The following BCL7A variants were observed in gnomAD, a reference collection of about 807,000 sequenced individuals.
BCL7A encodes BAF chromatin remodeling complex subunit BCL7A.
BCL7A carries 11 observed loss-of-function variants against 28.4 expected under a neutral mutation model. That is an observed-to-expected ratio of 0.39 (90% confidence interval 0.24 to 0.64). The LOEUF (loss-of-function observed/expected upper bound fraction) is 0.64, where lower values mean the gene tolerates loss of function less well. BCL7A is among the 30% of genes least tolerant of loss of function. BCL7A has a pLI of 0.50. For synonymous variants in BCL7A, 123 were observed against 103.3 expected, an observed-to-expected ratio of 1.19 and a Z score of -1.15; for missense variants, 222 against 274.8, an observed-to-expected ratio of 0.81 and a Z score of 1.36.
In BCL7A at chr12:122,033,858, C is replaced by T. The variant is rs767342839; in HGVS notation, c.175-1473C>T. ...TTTTCATCACCCTAAAAAAGGAACT[C>T]ATACCCATTAGCAGTCACTTCCCAT... On this transcript the variant is annotated intron_variant, in intron 2 of 5. Transcript: ENST00000261822. Among the ~76,000 whole-genome samples, 47 of 152,300 alleles carry T rather than the reference C, an allele frequency of 3.1e-4. 1 individual carries two copies. Among genetic ancestry groups the T allele is most frequent in the Admixed American group, 3.3e-4 (5 of 15,292 alleles).
intron 3 of BCL7A, among the ~76,000 whole-genome samples, chr12:122,037,107 G>GTGC (rs1439379902): frequency 6.6e-6 from 1 of 152,202 alleles, no homozygotes; most frequent in East Asian, 1.9e-4. Flanking sequence ...CCGTGGCTGT[G>GTGC]TGCTCCCTCG....
In BCL7A at chr12:122,022,112, A is replaced by G; in HGVS notation, c.21A>G (p.Arg7=). Residue 7 remains arginine, a synonymous_variant, in exon 1 of 6, where the codon CGA becomes CGG. Coordinates refer to ENST00000261822, the MANE Select transcript of BCL7A (RefSeq NM_001024808.3). MSGRSV[R]AETRSRAKDD... Reference sequence around the variant, plus strand: ...GAACCATGTCGGGCAGGTCGGTTCGAGCCGAGACGAGGAGCCGGGCCAAAG... The same window carrying G: ...GAACCATGTCGGGCAGGTCGGTTCGGGCCGAGACGAGGAGCCGGGCCAAAG... 6.3e-7 allele frequency: 1 copy of G among 1,581,182 alleles called. No individual in the cohort carries two copies. The highest frequency in any genetic ancestry group is 8.6e-7 in the Non-Finnish European group (1 of 1,162,836).
At chr12:122,057,214 C>T (rs1217982288) in intron 5 of BCL7A, among the ~76,000 whole-genome samples, 2 of 152,172 alleles carry the variant, frequency 1.3e-5, no homozygotes, top group Non-Finnish European at 2.9e-5. Flanking sequence ...GGTGAGCTCT[C>T]CAGGCAGGGG....
chr12:122,045,776 G>A (rs1267177617), intron 4 of BCL7A, among the ~76,000 whole-genome samples: 1 of 151,980 alleles, frequency 6.6e-6, no homozygotes, highest in East Asian at 1.9e-4. Context: ...AAACATGTCA[G>A]CACGTGTCTT....
intron 4 of BCL7A, among the ~76,000 whole-genome samples, chr12:122,050,795 C>T (rs1884176905): frequency 6.6e-6 from 1 of 152,236 alleles, no homozygotes; most frequent in Admixed American, 6.5e-5. Flanking sequence ...GACCCTGTCT[C>T]AGCAGAAAAT....
rs182025998 is a variant in BCL7A, at chr12:122,057,709, C to T, written c.562-1383C>T. Among the ~76,000 whole-genome samples the T allele has an allele frequency of 1.2e-3, 183 of 152,298 alleles. 1 individual carries two copies. Among genetic ancestry groups the T allele is most frequent in the African/African-American group, 4.4e-3 (181 of 41,550 alleles). ...TGGATGAGTGAGTGTTAAACCTTTT[C>T]TGGTGTCCTGGGTTTCATGGGAATT... On this transcript the variant is annotated intron_variant, in intron 5 of 5. Transcript: ENST00000261822.
intron 2 of BCL7A, among the ~76,000 whole-genome samples, chr12:122,033,135 A>G (rs1209455830): frequency 2.0e-5 from 3 of 147,472 alleles, no homozygotes; most frequent in Non-Finnish European, 3.0e-5. Flanking sequence ...ATATCATAGA[A>G]GTCACTTTTT....
At chr12:122,036,592 G>A (rs562172611) in intron 3 of BCL7A, among the ~76,000 whole-genome samples, 3 of 152,188 alleles carry the variant, frequency 2.0e-5, no homozygotes, top group East Asian at 1.9e-4. Context: ...ACACACCCAC[G>A]TAACCACCCA....
chr12:122,032,469 G>A (rs1883765542), intron 2 of BCL7A, among the ~76,000 whole-genome samples: 2 of 152,218 alleles, frequency 1.3e-5, no homozygotes, highest in South Asian at 2.1e-4. Flanking sequence ...TTCTAATCTC[G>A]TTTGGGGAAG....
At chr12:122,035,663 C>A (rs1415183495) in intron 3 of BCL7A, among the ~76,000 whole-genome samples, 1 of 152,206 alleles carries the variant, frequency 6.6e-6, no homozygotes, top group East Asian at 1.9e-4. Flanking sequence ...AGAAATTAGA[C>A]CCTCTCCTCA....
intron 5 of BCL7A, among the ~76,000 whole-genome samples, chr12:122,055,760 A>T (rs914595145): frequency 2.0e-5 from 3 of 152,160 alleles, no homozygotes; most frequent in South Asian, 4.1e-4. Flanking sequence ...GTGGGATTAC[A>T]GGTGCCTACC....
intron 1 of BCL7A, among the ~76,000 whole-genome samples, chr12:122,024,429 G>C (rs1318472206): frequency 1.3e-5 from 2 of 151,148 alleles, no homozygotes; most frequent in Non-Finnish European, 2.9e-5. Flanking sequence ...GTTGTAAGGT[G>C]GACTTTGTAG....
In BCL7A at chr12:122,021,928, GTA is replaced by G. The variant is rs542528031; in HGVS notation, c.-162_-161del. The G allele has an allele frequency of 0.067, 24,008 of 359,212 alleles. 523 individuals are homozygous for G. The highest frequency in any genetic ancestry group is 0.1 in the South Asian group (3,323 of 32,914). The allele number at this position is 359,212 out of a possible 1,614,324, so 22.3% of individuals were successfully genotyped here. On this transcript the variant is annotated 5_prime_UTR_variant, in exon 1 of 6. An upstream start codon of the reference 5' UTR is lost. Transcript: ENST00000261822. The stretch of plus-strand genomic sequence containing the variant: ...GCGGCCCCGGGCTTTGTGTGTGTGT[GTA>G]TGTGTGTGTGTGTGTGTGTGTGTGT...
At chr12:122,037,020 A>G (rs371299076) in intron 3 of BCL7A, among the ~76,000 whole-genome samples, 1 of 152,142 alleles carries the variant, frequency 6.6e-6, no homozygotes, top group African/African-American at 2.4e-5. Context: ...GCTTCATAAA[A>G]ATTAAGTTGG....
At position 122,030,794 on chromosome 12, in the gene BCL7A, G is replaced by T; in HGVS notation, c.174+13G>T. The T allele has an allele frequency of 6.2e-7, 1 of 1,612,834 alleles. No individual in the cohort carries two copies. The highest frequency in any genetic ancestry group is 8.5e-7 in the Non-Finnish European group (1 of 1,178,882). On this transcript the variant is annotated intron_variant, in intron 2 of 5. Coordinates refer to ENST00000261822, the MANE Select transcript of BCL7A (RefSeq NM_001024808.3). ...CAAGGTTGATGACGTGAGTATGGAGGGCTGGTCCCCTGGGGTGGGCCACCC... is the reference window on the plus strand; with the variant it reads ...CAAGGTTGATGACGTGAGTATGGAGTGCTGGTCCCCTGGGGTGGGCCACCC...
At position 122,021,939 on chromosome 12, in the gene BCL7A, TGTGTGTGTGTGTGTGTGTGA is replaced by T. The variant is rs1883464633; in HGVS notation, c.-145_-126del. On this transcript the variant is annotated 5_prime_UTR_variant, in exon 1 of 6. It introduces an in-frame stop codon into an upstream open reading frame of the 5' UTR. Transcript: ENST00000261822. ...CTTTGTGTGTGTGTGTATGTGTGTG[TGTGTGTGTGTGTGTGTGTGA>T]GTGTGTGCGTGTGAGAGTGCGAGTG... is the stretch of plus-strand genomic sequence containing the variant. 1.8e-6 allele frequency: 1 copy of T among 559,272 alleles called. No individual in the cohort carries two copies. Among genetic ancestry groups the T allele is most frequent in the Non-Finnish European group, 3.2e-6 (1 of 314,344 alleles). 34.6% of individuals were successfully genotyped at this position (559,272 alleles called of 1,614,324 possible). A position where few individuals can be genotyped will look rare whatever the true frequency, so the allele number is the denominator to read the frequency against.
intron 4 of BCL7A, among the ~76,000 whole-genome samples, chr12:122,054,231 CCCG>C (rs1362510167): frequency 3.3e-5 from 5 of 152,030 alleles, no homozygotes; most frequent in Admixed American, 6.6e-5. Flanking sequence ...ACTACAGGCG[CCCG>C]CCGCCACCAC....
intron 3 of BCL7A, among the ~76,000 whole-genome samples, chr12:122,042,094 T>C (rs1405130164): frequency 6.6e-6 from 1 of 151,128 alleles, no homozygotes; most frequent in African/African-American, 2.4e-5. Flanking sequence ...AGTGACTCTG[T>C]GCCTGAGAAG....
At chr12:122,053,341 C>T (rs912899208) in intron 4 of BCL7A, among the ~76,000 whole-genome samples, 9 of 152,190 alleles carry the variant, frequency 5.9e-5, no homozygotes, top group African/African-American at 1.7e-4. Context: ...CTCAGACTCC[C>T]TGGGAAGGAG....
Sources: allele counts gnomAD v4.1 joint callset (sites outside exome capture counted in the v4.1 genomes callset), GRCh38; gene constraint gnomAD v4.1.1; transcripts MANE v1.5; gene names NCBI Gene and HGNC (gene_info 2026-07-23, HGNC 2026-07-21).